DLC1: variants seen among roughly 807,000 people sequenced by gnomAD.
DLC1 encodes the protein DLC1 Rho GTPase activating protein.
DLC1 carries 54 observed loss-of-function variants against 140.3 expected under a neutral mutation model. The ratio of observed to expected loss-of-function variants is 0.38; its 90% confidence interval spans 0.31 to 0.48. DLC1 has a LOEUF of 0.48. DLC1 is among the 20% of genes least tolerant of loss of function. The pLI, the probability that DLC1 is intolerant of heterozygous loss-of-function variation, is 0.96. For missense variants in DLC1, 2,536 were observed against 1,907.0 expected, an observed-to-expected ratio of 1.33 and a Z score of -6.14; for synonymous variants, 986 against 728.1, an observed-to-expected ratio of 1.35 and a Z score of -5.70.
At chr8:13,240,985 G>T (rs913521434) in intron 5 of DLC1, among the ~76,000 whole-genome samples, 4 of 152,290 alleles carry the variant, frequency 2.6e-5, no homozygotes, top group African/African-American at 7.2e-5. Context: ...GAAGGCCAAA[G>T]AAGGGGTTGA....
At chr8:13,351,878 G>A (rs1314227947) in intron 4 of DLC1, among the ~76,000 whole-genome samples, 1 of 142,252 alleles carries the variant, frequency 7.0e-6, no homozygotes, top group Non-Finnish European at 1.5e-5. Flanking sequence ...GAAATTAATT[G>A]TCATGAATAT....
At chr8:13,200,344 G>A (rs1827312716) in intron 5 of DLC1, among the ~76,000 whole-genome samples, 1 of 152,006 alleles carries the variant, frequency 6.6e-6, no homozygotes. Context: ...TTACAGGCAT[G>A]AGCCACTGCA....
chr8:13,248,478 A>G (rs138709739), intron 5 of DLC1, among the ~76,000 whole-genome samples: 51 of 152,146 alleles, frequency 3.4e-4, no homozygotes, highest in African/African-American at 1.1e-3. Context: ...GTTCATGTCA[A>G]TCCAATCCCC....
chr8:13,115,759 G>A (rs1820502473), intron 5 of DLC1, 102 bp from the exon 6 acceptor site: 1 of 1,068,448 alleles, frequency 9.4e-7, no homozygotes, highest in South Asian at 1.4e-5. Flanking sequence ...AAACATGACT[G>A]CCATAGAAAA....
chr8:13,393,878 T>A (rs1007543199), intron 3 of DLC1, among the ~76,000 whole-genome samples, 185 bp from the exon 4 acceptor site: 9 of 152,236 alleles, frequency 5.9e-5, no homozygotes, highest in Admixed American at 3.3e-4. Context: ...ACCATTGTAC[T>A]CATCAGAGGG....
chr8:13,390,065 G>A (rs1036996039), intron 4 of DLC1, among the ~76,000 whole-genome samples: 1 of 152,112 alleles, frequency 6.6e-6, no homozygotes, highest in African/African-American at 2.4e-5. Context: ...CAAATTGTGG[G>A]AGAAAGTATC....
At chr8:13,476,015 C>A (rs1800418864) in intron 2 of DLC1, among the ~76,000 whole-genome samples, 1 of 152,082 alleles carries the variant, frequency 6.6e-6, no homozygotes, top group Non-Finnish European at 1.5e-5. Flanking sequence ...TAATGTTTAC[C>A]ATTTCTTAGG....
chr8:13,156,518 C>A (rs760675004), intron 5 of DLC1, among the ~76,000 whole-genome samples: 1 of 152,168 alleles, frequency 6.6e-6, no homozygotes, highest in African/African-American at 2.4e-5. Context: ...CAAAACCTAT[C>A]AAATATTTTC....
intron 1 of DLC1, among the ~76,000 whole-genome samples, chr8:13,507,578 G>T (rs1376644026): frequency 6.6e-6 from 1 of 152,128 alleles, no homozygotes; most frequent in Non-Finnish European, 1.5e-5. Flanking sequence ...AGCAATATGT[G>T]TCTTAATCCC....
intron 3 of DLC1, among the ~76,000 whole-genome samples, chr8:13,400,028 C>G (rs571292215): frequency 3.9e-5 from 6 of 152,010 alleles, no homozygotes; most frequent in South Asian, 2.1e-4. Context: ...TTCCACTACA[C>G]AATTATCAGA....
rs138038439 is a variant in DLC1 at position 13,283,971 on chromosome 8, C to T, written c.1348+21298G>A. ...CTGAACACGGATTGCCACCAGCATG[C>T]GAAAGAACTCTCGAAGGCTAGGGAA... On this transcript the variant is annotated intron_variant, in intron 5 of 17. Transcript: ENST00000276297. Among the ~76,000 whole-genome samples, 280 of 152,164 alleles carry T rather than the reference C, an allele frequency of 1.8e-3. 1 individual carries two copies. Among genetic ancestry groups the T allele is most frequent in the African/African-American group, 5.6e-3 (233 of 41,508 alleles).
chr8:13,419,945 A>C (rs10105956), intron 2 of DLC1, among the ~76,000 whole-genome samples: 1 of 151,720 alleles, frequency 6.6e-6, no homozygotes, highest in Non-Finnish European at 1.5e-5. Flanking sequence ...GTCTTGGGAG[A>C]GTGTATGTGT....
In DLC1 at chr8:13,134,944, T is replaced by G. The variant is rs567648384; in HGVS notation, c.1349-19287A>C. ...TGGTAACTGCTGAGGGTGCAAAGGC[T>G]ACAGCCTGGTGGGAGGAAGCAACAG... On this transcript the variant is annotated intron_variant, in intron 5 of 17. Coordinates refer to ENST00000276297, the MANE Select transcript of DLC1 (RefSeq NM_182643.3). 2.6e-5 allele frequency among the ~76,000 whole-genome samples: 4 copies of G among 152,298 alleles called. No individual in the cohort carries two copies. In the East Asian group the frequency reaches 7.7e-4, roughly 29 times the overall value.
chr8:13,117,098 A>C (rs1442534), intron 5 of DLC1, among the ~76,000 whole-genome samples: 103,817 of 152,126 alleles, frequency 0.68, 39,623 homozygotes, highest in East Asian at 0.86. Flanking sequence ...GATGTTTTAA[A>C]TAAAATTATA....
chr8:13,105,653 C>G (rs141625175), intron 7 of DLC1, among the ~76,000 whole-genome samples: 11 of 151,036 alleles, frequency 7.3e-5, no homozygotes, highest in East Asian at 2.0e-4. Flanking sequence ...CAGTGGCTCA[C>G]TGCAACCTCC....
chr8:13,305,392 C>T (rs915391303), intron 4 of DLC1, 90 bp from the exon 5 acceptor site: 15 of 1,347,302 alleles, frequency 1.1e-5, no homozygotes, highest in Non-Finnish European at 1.3e-5. Flanking sequence ...ATTAATGACG[C>T]AAAAATTAAA....
chr8:13,518,981 AT>A (rs1329989052), upstream of DLC1, among the ~76,000 whole-genome samples: 2 of 151,968 alleles, frequency 1.3e-5, no homozygotes, highest in South Asian at 4.1e-4. Flanking sequence ...ATTATCAAGA[AT>A]TTTTTTATTA....
Position 13,345,650 on chromosome 8 carries a change from C to T in DLC1, c.1315-40348G>A, listed in dbSNP as rs547935507. The stretch of plus-strand genomic sequence containing the variant: ...TTCACTGCAACCTCTGTCTGCCTCC[C>T]GGCTTCAAGCGGTCCTCCTGCCTCA... On this transcript the variant is annotated intron_variant, in intron 4 of 17. Coordinates refer to ENST00000276297, the MANE Select transcript of DLC1 (RefSeq NM_182643.3). Among the ~76,000 whole-genome samples, 103 of 145,284 alleles carry T rather than the reference C, an allele frequency of 7.1e-4. 1 individual carries two copies. Among genetic ancestry groups the T allele is most frequent in the Admixed American group, 1.0e-3 (14 of 13,354 alleles).
chr8:13,133,280 G>A (rs1822279333), intron 5 of DLC1: 1 of 1,308,724 alleles, frequency 7.6e-7, no homozygotes, highest in South Asian at 1.8e-5. Flanking sequence ...TCGGGCAGTC[G>A]GAGCGAACTG....
Sources: allele counts gnomAD v4.1 joint callset (sites outside exome capture counted in the v4.1 genomes callset), GRCh38; gene constraint gnomAD v4.1.1; transcripts MANE v1.5; gene names NCBI Gene and HGNC (gene_info 2026-07-23, HGNC 2026-07-21).